The following PAPPA variants were observed in gnomAD, a reference collection of about 807,000 sequenced individuals.
PAPPA encodes the protein pappalysin 1, also known as pappalysin-1.
PAPPA carries 60 observed loss-of-function variants against 164.0 expected under a neutral mutation model. That is an observed-to-expected ratio of 0.37 (90% CI 0.30 to 0.45). The LOEUF is 0.45. Ranked by LOEUF, PAPPA falls within the 20% of genes least tolerant of loss-of-function variation. The pLI is 1.00. For missense variants in PAPPA, 1,782 were observed against 2,087.3 expected (o/e 0.85, Z 2.85); for synonymous variants, 875 against 814.1 (o/e 1.07, Z -1.27).
intron 10 of PAPPA, among the ~76,000 whole-genome samples, chr9:116,305,942 C>G (rs921478478): frequency 6.6e-6 from 1 of 152,118 alleles, no homozygotes; most frequent in African/African-American, 2.4e-5. Context: ...TAGTCACTGC[C>G]CATACCTTCA....
chr9:116,196,476 C>G (rs1296555377), intron 2 of PAPPA, among the ~76,000 whole-genome samples: 24 of 152,186 alleles, frequency 1.6e-4, no homozygotes, highest in Admixed American at 1.6e-3. Context: ...GTTGGGCGTG[C>G]AAGAGATGGT....
At chr9:116,181,293 A>T (rs973981932) in intron 1 of PAPPA, among the ~76,000 whole-genome samples, 1 of 152,138 alleles carries the variant, frequency 6.6e-6, no homozygotes, top group Non-Finnish European at 1.5e-5. Flanking sequence ...TCCAAGATCA[A>T]GGTGTCAGCC....
At chr9:116,174,394 A>G (rs773647376) in intron 1 of PAPPA, among the ~76,000 whole-genome samples, 1 of 152,168 alleles carries the variant, frequency 6.6e-6, no homozygotes, top group African/African-American at 2.4e-5. Flanking sequence ...TTCAGAGCTC[A>G]GCCCACACTG....
chr9:116,286,814 G>A (rs1845345313), intron 9 of PAPPA: 1 of 149,102 alleles, frequency 6.7e-6, no homozygotes, highest in Non-Finnish European at 1.5e-5. Flanking sequence ...GTGGTGCTAC[G>A]TGCTTTCTCA....
chr9:116,176,311 T>C (rs1029521254), intron 1 of PAPPA, among the ~76,000 whole-genome samples: 6 of 152,160 alleles, frequency 3.9e-5, no homozygotes, highest in African/African-American at 1.4e-4. Flanking sequence ...AAGAGGTTTG[T>C]CTGTTTGGGG....
At chr9:116,257,264 C>T (rs1287676921) in intron 7 of PAPPA, among the ~76,000 whole-genome samples, 1 of 151,370 alleles carries the variant, frequency 6.6e-6, no homozygotes, top group Non-Finnish European at 1.5e-5. Flanking sequence ...TTTTTAAAAC[C>T]CTGTAAAATC....
At chr9:116,323,567 G>A (rs567415989) in intron 10 of PAPPA, among the ~76,000 whole-genome samples, 2 of 151,870 alleles carry the variant, frequency 1.3e-5, no homozygotes, top group East Asian at 1.9e-4. Flanking sequence ...GAGAGAGAGA[G>A]AGAAAAAAAA....
At position 116,207,449 on chromosome 9, in the gene PAPPA, G is replaced by T; in HGVS notation, c.1479-7G>T. 2 of 1,604,370 alleles carry T rather than the reference G, an allele frequency of 1.2e-6. No homozygotes were observed. Among genetic ancestry groups the T allele is most frequent in the Non-Finnish European group, 8.5e-7 (1 of 1,175,248 alleles). On this transcript the variant is annotated splice_polypyrimidine_tract_variant and splice_region_variant and intron_variant, in intron 2 of 21. Coordinates refer to ENST00000328252, the MANE Select transcript of PAPPA (RefSeq NM_002581.5). ...TGATAACAGCCAAGGTTCTTTTTCT[G>T]TTTCAGAGCCTACTTGGATGTTAAT...
chr9:116,292,474 T>G (rs896348593), intron 9 of PAPPA, among the ~76,000 whole-genome samples: 21 of 152,094 alleles, frequency 1.4e-4, no homozygotes, highest in African/African-American at 4.6e-4. Flanking sequence ...TGATGGACTT[T>G]GTGTGGTGTT....
Position 116,335,162 on chromosome 9 carries a change from A to T in PAPPA, c.3611+88A>T, listed in dbSNP as rs568805044. ...TGAAGCTGGGTAGCCATTTGTGTGG[A>T]TGTAAAAAGTCTGTGCATTTCTCCC... On this transcript the variant is annotated intron_variant, in intron 13 of 21. Coordinates refer to ENST00000328252, the MANE Select transcript of PAPPA (RefSeq NM_002581.5). 59 of 1,101,762 alleles carry T rather than the reference A, an allele frequency of 5.4e-5. 1 individual carries two copies. The African/African-American group carries it at 8.8e-4, about 16-fold the overall frequency. 68.2% of individuals were successfully genotyped at this position (1,101,762 alleles called of 1,614,324 possible).
At chr9:116,312,873 G>C (rs918105821) in intron 10 of PAPPA, among the ~76,000 whole-genome samples, 1 of 151,922 alleles carries the variant, frequency 6.6e-6, no homozygotes, top group Non-Finnish European at 1.5e-5. Flanking sequence ...CACAAGGTCA[G>C]GAGATGGAGA....
At chr9:116,252,218 G>A (rs1844868181) in intron 7 of PAPPA, among the ~76,000 whole-genome samples, 2 of 152,216 alleles carry the variant, frequency 1.3e-5, no homozygotes, top group South Asian at 4.1e-4. Flanking sequence ...GAGTAAGGAT[G>A]TCGTTGCCAG....
rs369684468 is a variant in PAPPA, at chr9:116,300,037, T to G, written c.2954-2720T>G. ...TCTTTTCAGTTCTCTGTATTGGGTT[T>G]CTGAAGAGTAAAGTCTGGATTTATG... On this transcript the variant is annotated intron_variant, in intron 9 of 21. Transcript: ENST00000328252. 2.6e-5 allele frequency among the ~76,000 whole-genome samples: 4 copies of G among 152,262 alleles called. No homozygotes were observed. The East Asian group carries it at 5.8e-4, about 22-fold the overall frequency.
chr9:116,333,119 C>T (rs917142598), intron 12 of PAPPA, among the ~76,000 whole-genome samples: 1 of 152,094 alleles, frequency 6.6e-6, no homozygotes, highest in Admixed American at 6.5e-5. Flanking sequence ...TGAATACCCA[C>T]ATGCACCGTG....
intron 1 of PAPPA, among the ~76,000 whole-genome samples, chr9:116,171,099 C>T (rs1843770849): frequency 6.6e-6 from 1 of 152,156 alleles, no homozygotes; most frequent in Non-Finnish European, 1.5e-5. Context: ...AGTTTCTACC[C>T]TTAGGTTAGC....
chr9:116,194,224 T>C (rs1301883038), intron 2 of PAPPA, among the ~76,000 whole-genome samples: 1 of 152,194 alleles, frequency 6.6e-6, no homozygotes, highest in African/African-American at 2.4e-5. Context: ...GGGCAAGCCT[T>C]TTAATCTCTC....
At chr9:116,332,972 C>T (rs1846013474) in intron 12 of PAPPA, 1 of 152,836 alleles carries the variant, frequency 6.5e-6, no homozygotes, top group African/African-American at 2.4e-5. Flanking sequence ...GGAGAAGTTT[C>T]CAATGAGAAT....
chr9:116,352,721 T>A lies in PAPPA; in HGVS notation c.3980T>A (p.Leu1327Gln). Residue 1327 changes from leucine (L) to glutamine (Q), a missense_variant, in exon 16 of 22, where the codon CTG (leucine) becomes CAG (glutamine). By Grantham distance (113) the Leu-to-Gln change is moderately radical. Coordinates refer to ENST00000328252, the MANE Select transcript of PAPPA (RefSeq NM_002581.5). ...TGTCTTCCAGGCAACAACAGCCTCC[T>A]GACCTGCATGGAGGATGGGCTGTGG... ...PAQLKGNNSL[L>Q]TCMEDGLWSF... is the part of the protein sequence containing the mutation. The A allele has an allele frequency of 6.2e-7, 1 of 1,612,748 alleles. No homozygotes were observed. Among genetic ancestry groups the A allele is most frequent in the Middle Eastern group, 2.0e-4 (1 of 5,016 alleles).
intron 21 of PAPPA, among the ~76,000 whole-genome samples, chr9:116,388,727 A>G (rs1846849470): frequency 6.6e-6 from 1 of 152,224 alleles, no homozygotes; most frequent in Non-Finnish European, 1.5e-5. Context: ...GTCATTGAGC[A>G]GGAAGTTGAA....
Sources: allele counts gnomAD v4.1 joint callset (sites outside exome capture counted in the v4.1 genomes callset), GRCh38; gene constraint gnomAD v4.1.1; transcripts MANE v1.5; gene names NCBI Gene and HGNC (gene_info 2026-07-23, HGNC 2026-07-21).